Variants in TBC1D10A observed in about 807,000 individuals in gnomAD.
TBC1D10A encodes TBC1 domain family member 10A.
A neutral mutation model predicts 52.9 loss-of-function variants in TBC1D10A; 24 were observed. That is an observed-to-expected ratio of 0.45 (90% CI 0.33 to 0.64). The LOEUF (loss-of-function observed/expected upper bound fraction) is 0.64, where lower values mean the gene tolerates loss of function less well. Ranked by LOEUF, TBC1D10A falls within the 30% of genes least tolerant of loss-of-function variation. The pLI is 0.02. For missense variants in TBC1D10A, 602 were observed against 687.9 expected, an observed-to-expected ratio of 0.88 and a Z score of 1.40; for synonymous variants, 278 against 282.9, an observed-to-expected ratio of 0.98 and a Z score of 0.17.
intron 2 of TBC1D10A, 69 bp from the exon 3 acceptor site, chr22:30,299,620 C>G: frequency 6.9e-7 from 1 of 1,446,208 alleles, no homozygotes; most frequent in Non-Finnish European, 9.6e-7. Flanking sequence ...GCCCCTCTGC[C>G]AATGCGTGGT....
At position 30,299,543 on chromosome 22, in the gene TBC1D10A, C is replaced by A; in HGVS notation, c.318G>T (p.Leu106=). The A allele has an allele frequency of 6.2e-7, 1 of 1,614,084 alleles. No homozygotes were observed. The highest frequency in any genetic ancestry group is 8.5e-7 in the Non-Finnish European group (1 of 1,179,954). The change falls in exon 3 of 9, where the codon CTG becomes CTT. Residue 106 remains leucine (L), a synonymous_variant. Coordinates refer to ENST00000215790, the MANE Select transcript of TBC1D10A (RefSeq NM_031937.3). ...WMAKKHKKIR[L]RCQKGIPPSL... The stretch of plus-strand genomic sequence containing the variant: ...AAGGCGGGATGCCCTTTTGGCACCG[C>A]AGACGAATCTGAAAATCAAAAGGAC...
At chr22:30,310,336 T>C (rs532574457) in intron 1 of TBC1D10A, among the ~76,000 whole-genome samples, 3 of 152,330 alleles carry the variant, frequency 2.0e-5, no homozygotes, top group South Asian at 4.1e-4. Context: ...ACTAGCAATT[T>C]CACATCTCTT....
intron 1 of TBC1D10A, among the ~76,000 whole-genome samples, chr22:30,308,316 A>ATGCCTGCATGCCTGCC (rs1555973998): frequency 0.013 from 1,633 of 130,304 alleles, 51 homozygotes; most frequent in African/African-American, 0.045. Flanking sequence ...GCCTGCCTGC[A>ATGCCTGCATGCCTGCC]TGCCTGCATG....
chr22:30,304,915 G>A (rs1043562582), intron 1 of TBC1D10A, among the ~76,000 whole-genome samples: 1 of 152,248 alleles, frequency 6.6e-6, no homozygotes, highest in African/African-American at 2.4e-5. Flanking sequence ...GAGGCTGAGT[G>A]AGTGTCTGCA....
chr22:30,313,394 G>A lies in TBC1D10A; in HGVS notation c.210-8764C>T, dbSNP rs1019522235. 2.9e-5 allele frequency among the ~76,000 whole-genome samples: 4 copies of A among 137,908 alleles called. No homozygotes were observed. In the Admixed American group the frequency reaches 2.9e-4, roughly 10 times the overall value. The allele number at this position is 137,908 out of a possible 152,430, so 90.5% of individuals were successfully genotyped here. On this transcript the variant is annotated intron_variant, in intron 1 of 8. Transcript: ENST00000215790. ...GTGTGTGTGTGTGTGTGTTGTTATT[G>A]TTGTTTTGAGACGGAGTCTTGCTCT...
At chr22:30,320,954 C>T (rs1294832249) in intron 1 of TBC1D10A, among the ~76,000 whole-genome samples, 2 of 152,182 alleles carry the variant, frequency 1.3e-5, no homozygotes, top group Admixed American at 6.5e-5. Flanking sequence ...TTGCCCACCT[C>T]GATATAAACA....
chr22:30,304,797 A>C, intron 1 of TBC1D10A, 167 bp from the exon 2 acceptor site: 1 of 1,316,474 alleles, frequency 7.6e-7, no homozygotes, highest in Non-Finnish European at 1.0e-6. Flanking sequence ...GAGAGGGAAC[A>C]CGCCACCTCC....
chr22:30,294,051 C>T lies in TBC1D10A; in HGVS notation c.765G>A (p.Val255=). 1 of 1,614,094 alleles carries T rather than the reference C, an allele frequency of 6.2e-7. No homozygotes were observed. The highest frequency in any genetic ancestry group is 1.1e-5 in the South Asian group (1 of 91,090). The change falls in exon 7 of 9, where the codon GTG becomes GTA. Residue 255 remains valine (V), a synonymous_variant. Transcript: ENST00000215790. The stretch of plus-strand genomic sequence containing the variant: ...TCTGACGGCTGAGGTGCTTGTGGGC[C>T]ACCGGCGACACCTTCTGCAACAGCG... The part of the protein sequence containing the change: ...LFSLLQKVSP[V]AHKHLSRQKI...
At chr22:30,303,681 T>C (rs1249246766) in intron 2 of TBC1D10A, among the ~76,000 whole-genome samples, 1 of 152,224 alleles carries the variant, frequency 6.6e-6, no homozygotes, top group East Asian at 1.9e-4. Context: ...TGTCAGCTGA[T>C]GAGAGTGGGC....
chr22:30,322,306 G>A (rs926860468), intron 1 of TBC1D10A, among the ~76,000 whole-genome samples: 3 of 152,014 alleles, frequency 2.0e-5, no homozygotes, highest in African/African-American at 2.4e-5. Context: ...TGCCCCACTC[G>A]GTCTCCAGCC....
chr22:30,309,876 G>T lies in TBC1D10A; in HGVS notation c.210-5246C>A, dbSNP rs1021879892. On this transcript the variant is annotated intron_variant, in intron 1 of 8. Coordinates refer to ENST00000215790, the MANE Select transcript of TBC1D10A (RefSeq NM_031937.3). ...CATCTCAGCACCTCTGGCTAGGCAG[G>T]TTCAGCAAGGGCAGTGTCCATGCTC... is the stretch of plus-strand genomic sequence containing the variant. Among the ~76,000 whole-genome samples the T allele has an allele frequency of 5.9e-5, 9 of 152,302 alleles. No homozygotes were observed. In the East Asian group the frequency reaches 1.3e-3, roughly 23 times the overall value.
In TBC1D10A at chr22:30,292,828, C is replaced by T; in HGVS notation, c.1074G>A (p.Glu358=). ...TGAGGTGTTCGCGCTCAATCTGGCG[C>T]TCTGTCACGGGCAACTCCACCACCT... ...VQEVVELPVT[E]RQIEREHLIQ... is the part of the protein sequence containing the mutation. The change falls in exon 9 of 9, where the codon GAG becomes GAA. Residue 358 remains glutamate, a synonymous_variant. Coordinates refer to ENST00000215790, the MANE Select transcript of TBC1D10A (RefSeq NM_031937.3). 4 of 1,611,302 alleles carry T rather than the reference C, an allele frequency of 2.5e-6. No homozygotes were observed. The highest frequency in any genetic ancestry group is 2.2e-5 in the East Asian group (1 of 44,884).
At chr22:30,311,504 G>A (rs1930425091) in intron 1 of TBC1D10A, among the ~76,000 whole-genome samples, 2 of 152,138 alleles carry the variant, frequency 1.3e-5, no homozygotes, top group Admixed American at 1.3e-4. Context: ...GGCTAATTCT[G>A]GGGCTGCCTG....
chr22:30,326,377 T>C (rs554340145), intron 1 of TBC1D10A, among the ~76,000 whole-genome samples: 5 of 151,654 alleles, frequency 3.3e-5, no homozygotes, highest in South Asian at 4.2e-4. Context: ...TGTCATTCTG[T>C]TCCACGGCTG....
intron 3 of TBC1D10A, 198 bp downstream of exon 3, chr22:30,299,246 T>C: frequency 1.8e-6 from 1 of 570,434 alleles, no homozygotes; most frequent in Non-Finnish European, 3.1e-6. Flanking sequence ...GCCTCAGTTG[T>C]ACAGACCCTC....
At chr22:30,324,038 G>T (rs1168721105) in intron 1 of TBC1D10A, among the ~76,000 whole-genome samples, 1 of 152,052 alleles carries the variant, frequency 6.6e-6, no homozygotes. Flanking sequence ...GTAGCTAATA[G>T]TCACCTCAGT....
In TBC1D10A at chr22:30,293,676, A is replaced by G. The variant is rs745954956; in HGVS notation, c.1025T>C (p.Met342Thr). ...ERLRSLSPKI[M>T]QEAFLVQEVV... ...CTCCTGGACCAGAAAGGCCTCCTGC[A>G]TGATCTTGGGGCTGAGGCTCCGCAG... The change falls in exon 8 of 9, where the codon ATG (methionine) becomes ACG (threonine). Residue 342 changes from methionine to threonine, a missense_variant. Coordinates refer to ENST00000215790, the MANE Select transcript of TBC1D10A (RefSeq NM_031937.3). The G allele has an allele frequency of 6.2e-7, 1 of 1,610,588 alleles. No individual in the cohort carries two copies. Among genetic ancestry groups the G allele is most frequent in the Non-Finnish European group, 8.5e-7 (1 of 1,177,466 alleles).
intron 1 of TBC1D10A, chr22:30,307,641 T>C (rs1355469809): frequency 6.6e-6 from 1 of 152,172 alleles, no homozygotes; most frequent in East Asian, 1.9e-4. Context: ...AGCCCAATAT[T>C]ACATTAAAAA....
rs149056616 is a variant in TBC1D10A, at chr22:30,294,816, C to A, written c.685G>T (p.Gly229Cys). The A allele has an allele frequency of 6.2e-7, 1 of 1,614,122 alleles. No homozygotes were observed. The highest frequency in any genetic ancestry group is 1.7e-5 in the Admixed American group (1 of 60,022). Residue 229 changes from glycine to cysteine, a missense_variant, in exon 6 of 9, where the codon GGC becomes TGC. Transcript: ENST00000215790. The stretch of plus-strand genomic sequence containing the variant: ...CTCACCAGTTTCTCGCTGTAGTAGC[C>A]GGGCAGGTACTTCTCACAGATCTGT... ...LVQICEKYLP[G>C]YYSEKLEAIQ...
Sources: allele counts gnomAD v4.1 joint callset (sites outside exome capture counted in the v4.1 genomes callset), GRCh38; gene constraint gnomAD v4.1.1; transcripts MANE v1.5; gene names NCBI Gene and HGNC (gene_info 2026-07-23, HGNC 2026-07-21).